Variants in DNAH8 observed in about 807,000 individuals in gnomAD.
DNAH8 encodes dynein axonemal heavy chain 8.
In DNAH8, 382 loss-of-function variants were observed where a neutral mutation model predicts 562.1. That is an observed-to-expected ratio of 0.68 (90% confidence interval 0.63 to 0.74). DNAH8 has a LOEUF of 0.74. DNAH8 is among the 30% of genes least tolerant of loss of function. The pLI is 0.00. For missense variants in DNAH8, 5,203 were observed against 5,620.4 expected (o/e 0.93, Z 2.37); for synonymous variants, 1,881 against 1,919.4 (o/e 0.98, Z 0.52).
intron 68 of DNAH8, among the ~76,000 whole-genome samples, chr6:38,916,363 C>A (rs1443936633): frequency 6.6e-6 from 1 of 152,150 alleles, no homozygotes; most frequent in Non-Finnish European, 1.5e-5. Context: ...TCACTCCTCC[C>A]AGGAAGTTTT....
At chr6:38,777,389 C>T (rs1768175473) in intron 13 of DNAH8, among the ~76,000 whole-genome samples, 1 of 151,942 alleles carries the variant, frequency 6.6e-6, no homozygotes. Context: ...CAATATTAAC[C>T]TTTTAATAGT....
At position 39,030,621 on chromosome 6, in the gene DNAH8, A is replaced by C. The variant is rs531082026; in HGVS notation, c.*229A>C. 2 of 467,522 alleles carry C rather than the reference A, an allele frequency of 4.3e-6. No homozygotes were observed. Among genetic ancestry groups the C allele is most frequent in the African/African-American group, 3.9e-5 (2 of 51,008 alleles). 29.0% of individuals were successfully genotyped at this position (467,522 alleles called of 1,614,324 possible). On this transcript the variant is annotated 3_prime_UTR_variant, in exon 93 of 93. Transcript: ENST00000327475. Reference sequence around the variant, plus strand: ...TTATTCTGGGAAATCATATTTCACTATAATTACTTTTTAAAGATAAAACCC... The same window carrying C: ...TTATTCTGGGAAATCATATTTCACTCTAATTACTTTTTAAAGATAAAACCC...
At chr6:38,729,019 A>T (rs1280832072) in intron 3 of DNAH8, among the ~76,000 whole-genome samples, 2 of 152,206 alleles carry the variant, frequency 1.3e-5, no homozygotes, top group Non-Finnish European at 2.9e-5. Context: ...CCTGGCCAAC[A>T]TGGCGAAACC....
At chr6:38,768,159 TTTG>T (rs1379846837) in intron 11 of DNAH8, among the ~76,000 whole-genome samples, 4 of 152,256 alleles carry the variant, frequency 2.6e-5, no homozygotes, top group South Asian at 2.1e-4. Flanking sequence ...GTTTGGGTTT[TTTG>T]TTGTTGTTGT....
At chr6:38,834,667 T>G (rs148372184) in intron 32 of DNAH8, 26 bp downstream of exon 32, 16 of 1,544,778 alleles carry the variant, frequency 1.0e-5, no homozygotes, top group Non-Finnish European at 1.4e-5. Context: ...TTTTGTTACA[T>G]CGACAATGTG....
At chr6:38,828,387 C>A in intron 30 of DNAH8, 99 bp downstream of exon 30, 1 of 612,394 alleles carries the variant, frequency 1.6e-6, no homozygotes, top group Non-Finnish European at 2.7e-6. Context: ...CAGTCATGTG[C>A]CACATAACAA....
At chr6:38,761,065 AT>A (rs59866789) in intron 10 of DNAH8, among the ~76,000 whole-genome samples, 14,723 of 143,912 alleles carry the variant, frequency 0.1, 1,328 homozygotes, top group East Asian at 0.45. Context: ...TTTGCTCTTC[AT>A]TTTTTTTTTG....
At chr6:38,880,982 G>A (rs1228932192) in intron 53 of DNAH8, among the ~76,000 whole-genome samples, 2 of 152,086 alleles carry the variant, frequency 1.3e-5, no homozygotes, top group Admixed American at 1.3e-4. Context: ...AGCTGAGATC[G>A]CACCACTACA....
At chr6:38,768,427 T>TTGGGTAATTTTTTTA (rs1469134464) in intron 11 of DNAH8, among the ~76,000 whole-genome samples, 5 of 151,942 alleles carry the variant, frequency 3.3e-5, no homozygotes, top group Non-Finnish European at 7.4e-5. Flanking sequence ...GCCATCATGC[T>TTGGGTAATTTTTTTA]TGGGTAATTT....
chr6:38,780,168 T>G, intron 15 of DNAH8, 103 bp downstream of exon 15: 1 of 1,115,556 alleles, frequency 9.0e-7, no homozygotes, highest in Non-Finnish European at 1.3e-6. Context: ...TCAGAGTGAT[T>G]CTTTCTCTGC....
intron 85 of DNAH8, among the ~76,000 whole-genome samples, chr6:38,975,812 A>G (rs1346939328): frequency 6.6e-6 from 1 of 152,218 alleles, no homozygotes; most frequent in African/African-American, 2.4e-5. Context: ...TTCATTCCCA[A>G]TTCACAAATA....
intron 48 of DNAH8, among the ~76,000 whole-genome samples, chr6:38,869,982 G>T (rs1182141476): frequency 2.0e-5 from 3 of 152,190 alleles, no homozygotes; most frequent in African/African-American, 4.8e-5. Context: ...GGCTGGGGAG[G>T]CCTCACAATC....
In DNAH8 at chr6:39,012,337, G is replaced by T. The variant is rs577421218; in HGVS notation, c.13494G>T (p.Leu4498Phe). 4.1e-4 allele frequency: 663 copies of T among 1,612,932 alleles called. 9 individuals carry two copies. In the South Asian group the frequency reaches 6.8e-3, roughly 17 times the overall value. Residue 4498 changes from leucine to phenylalanine, a missense_variant, in exon 90 of 93, where the codon TTG becomes TTT. Around this residue, in one of 6 missense-constraint regions of DNAH8, gnomAD observed 1,399 missense variants for 1,518.4 expected, o/e 0.92. Transcript: ENST00000327475. The part of the protein sequence containing the change: ...ILRSSLSDLK[L>F]AIEGTIIMSE... ...GCAGTAGCCTGAGTGATCTAAAATT[G>T]GCCATTGAAGGAACAATCATTATGA...
intron 82 of DNAH8, among the ~76,000 whole-genome samples, chr6:38,960,917 A>T (rs1762567640): frequency 6.6e-6 from 1 of 152,028 alleles, no homozygotes. Flanking sequence ...ATAAAAGCCA[A>T]GATATAGAAT....
intron 82 of DNAH8, among the ~76,000 whole-genome samples, chr6:38,961,633 G>A (rs1762610076): frequency 6.6e-6 from 1 of 151,902 alleles, no homozygotes; most frequent in Admixed American, 6.6e-5. Context: ...TGCTATAAAA[G>A]CCATTTTATA....
chr6:38,828,550 G>A (rs1773566187), intron 30 of DNAH8, among the ~76,000 whole-genome samples: 1 of 152,096 alleles, frequency 6.6e-6, no homozygotes, highest in Admixed American at 6.6e-5. Context: ...TGCTGTAGAG[G>A]TTTGTAGCCT....
intron 15 of DNAH8, among the ~76,000 whole-genome samples, chr6:38,781,049 G>A (rs142388126): frequency 3.7e-4 from 57 of 152,204 alleles, no homozygotes; most frequent in Non-Finnish European, 5.9e-4. Context: ...GGAAATAAAG[G>A]TGAAGAGAAA....
intron 1 of DNAH8, among the ~76,000 whole-genome samples, chr6:38,721,083 C>T (rs7763683): frequency 2.6e-5 from 4 of 151,860 alleles, no homozygotes; most frequent in Non-Finnish European, 2.9e-5. Flanking sequence ...TTACCTCAAA[C>T]GACCAGATTT....
chr6:39,004,927 G>A (rs959986022), intron 88 of DNAH8, among the ~76,000 whole-genome samples: 3 of 152,174 alleles, frequency 2.0e-5, no homozygotes, highest in African/African-American at 7.2e-5. Context: ...TTTACCAGCT[G>A]ATGAATAGTT....
Sources: allele counts gnomAD v4.1 joint callset (sites outside exome capture counted in the v4.1 genomes callset), GRCh38; gene constraint gnomAD v4.1.1; regional missense constraint gnomAD v4.1.1; transcripts MANE v1.5; gene names NCBI Gene and HGNC (gene_info 2026-07-23, HGNC 2026-07-21).